Variants in KATNAL1 observed in about 807,000 individuals in gnomAD.
KATNAL1 encodes the protein katanin p60 ATPase-containing subunit A-like 1.
KATNAL1 carries 32 observed loss-of-function variants against 55.2 expected under a neutral mutation model. The observed-to-expected ratio is 0.58, with a 90% CI of 0.44 to 0.78. The LOEUF is 0.78. Among genes scored for constraint, KATNAL1 ranks in the 30% least tolerant of loss-of-function variants. The probability of loss-of-function intolerance (pLI) is 0.00; values close to 1 mark genes in which losing one functional copy is unlikely to be tolerated. For missense variants in KATNAL1, 466 were observed against 600.9 expected (o/e 0.78, Z 2.35); for synonymous variants, 193 against 193.6 (o/e 1.00, Z 0.02).
chr13:30,282,639 T>TA (rs1881447593), intron 2 of KATNAL1, among the ~76,000 whole-genome samples: 1 of 144,140 alleles, frequency 6.9e-6, no homozygotes, highest in African/African-American at 2.6e-5. Context: ...CCCTGTCTCT[T>TA]TAAAAAAAAA....
In KATNAL1 at chr13:30,280,219, C is replaced by A. The variant is rs745551420; in HGVS notation, c.167G>T (p.Arg56Leu). 1.9e-6 allele frequency: 3 copies of A among 1,563,452 alleles called. No individual in the cohort carries two copies. Among genetic ancestry groups the A allele is most frequent in the South Asian group, 2.5e-5 (2 of 81,108 alleles). Residue 56 changes from arginine (R) to leucine (L), a missense_variant, in exon 3 of 11, where the codon CGG (arginine) becomes CTG (leucine). Around this residue, in one of 3 missense-constraint regions of KATNAL1, gnomAD observed 248 missense variants for 275.5 expected, o/e 0.90. Transcript: ENST00000380615. ...TTCATATTCCTCCAATAATTCCTGC[C>A]GAACCTTAAAAAAAAAAAATAGGCT... ...PAIKGKWQQVRQELLEEYEQV... is the reference protein window; with the variant it reads ...PAIKGKWQQVLQELLEEYEQV...
chr13:30,276,761 G>A (rs1169479431), intron 3 of KATNAL1, among the ~76,000 whole-genome samples: 2 of 152,090 alleles, frequency 1.3e-5, no homozygotes, highest in African/African-American at 4.8e-5. Flanking sequence ...TACCCACTGA[G>A]TATATATGCA....
intron 4 of KATNAL1, among the ~76,000 whole-genome samples, chr13:30,243,522 G>C (rs1339987977): frequency 1.4e-5 from 2 of 146,968 alleles, no homozygotes; most frequent in African/African-American, 5.1e-5. Flanking sequence ...TCATATGGAG[G>C]AAGACCAAGG....
rs1872887961 is a variant in KATNAL1 at position 30,203,998 on chromosome 13, A to C, written c.*4542T>G. On this transcript the variant is annotated 3_prime_UTR_variant, in exon 11 of 11. Coordinates refer to ENST00000380615, the MANE Select transcript of KATNAL1 (RefSeq NM_032116.5). ...TGTAAAAATAGTTAGTGGAGATGACAGTAAAACATTCGAGGCTTAAATATT... is the reference window on the plus strand; with the variant it reads ...TGTAAAAATAGTTAGTGGAGATGACCGTAAAACATTCGAGGCTTAAATATT... The C allele has an allele frequency of 1.3e-5, 2 of 152,330 alleles. No individual in the cohort carries two copies. Among genetic ancestry groups the C allele is most frequent in the South Asian group, 4.1e-4 (2 of 4,828 alleles). The allele number at this position is 152,330 out of a possible 1,614,324, so 9.4% of individuals were successfully genotyped here. A position where few individuals can be genotyped will look rare whatever the true frequency, so the allele number is the denominator to read the frequency against.
At chr13:30,304,997 C>T (rs1883090759) in intron 1 of KATNAL1, among the ~76,000 whole-genome samples, 1 of 152,204 alleles carries the variant, frequency 6.6e-6, no homozygotes, top group African/African-American at 2.4e-5. Flanking sequence ...ACTCCAAATG[C>T]TTAATTCAGA....
At chr13:30,232,999 C>T (rs1876258067) in intron 6 of KATNAL1, among the ~76,000 whole-genome samples, 1 of 152,110 alleles carries the variant, frequency 6.6e-6, no homozygotes, top group African/African-American at 2.4e-5. Flanking sequence ...TTAAAAACCT[C>T]AAACTATGAA....
At position 30,283,627 on chromosome 13, in the gene KATNAL1, T is replaced by C. The variant is rs1731717912; in HGVS notation, c.151A>G (p.Lys51Glu). Residue 51 changes from lysine (K) to glutamate (E), a missense_variant, in exon 2 of 11, where the codon AAA (lysine) becomes GAA (glutamate). By Grantham distance (56) the Lys-to-Glu change is moderately conservative (BLOSUM62 1). Coordinates refer to ENST00000380615, the MANE Select transcript of KATNAL1 (RefSeq NM_032116.5). ...TAATACCATCTTACCTGTTGCCATT[T>C]GCCTTTGATAGCTGGATCTCTGACT... Reference protein sequence around the residue: ...QSVRDPAIKGKWQQVRQELLE... With the variant: ...QSVRDPAIKGEWQQVRQELLE... 1 of 1,613,766 alleles carries C rather than the reference T, an allele frequency of 6.2e-7. No individual in the cohort carries two copies. The highest frequency in any genetic ancestry group is 8.5e-7 in the Non-Finnish European group (1 of 1,179,862).
intron 4 of KATNAL1, among the ~76,000 whole-genome samples, chr13:30,250,942 T>C (rs1009862529): frequency 6.6e-6 from 1 of 152,082 alleles, no homozygotes; most frequent in African/African-American, 2.4e-5. Flanking sequence ...ATCGAGACCA[T>C]CCTGGATAAC....
At chr13:30,268,370 CAA>C (rs1879945243) in intron 3 of KATNAL1, among the ~76,000 whole-genome samples, 2 of 152,138 alleles carry the variant, frequency 1.3e-5, no homozygotes, top group Admixed American at 6.5e-5. Flanking sequence ...CTATAGACTA[CAA>C]AATAAATATG....
chr13:30,210,170 A>G (rs1245378068), intron 10 of KATNAL1, 146 bp downstream of exon 10: 5 of 521,838 alleles, frequency 9.6e-6, no homozygotes, highest in Non-Finnish European at 1.5e-5. Context: ...TATGTAAAAA[A>G]AAAGGGACAA....
At chr13:30,294,729 G>A (rs1040046020) in intron 1 of KATNAL1, among the ~76,000 whole-genome samples, 2 of 151,954 alleles carry the variant, frequency 1.3e-5, no homozygotes, top group Admixed American at 6.5e-5. Flanking sequence ...TTCCTGGCTA[G>A]AGAGGAAAAG....
At chr13:30,294,045 G>C (rs1428976642) in intron 1 of KATNAL1, among the ~76,000 whole-genome samples, 1 of 152,134 alleles carries the variant, frequency 6.6e-6, no homozygotes, top group East Asian at 1.9e-4. Context: ...CCTACCAATA[G>C]GCTGTTGCCC....
intron 10 of KATNAL1, among the ~76,000 whole-genome samples, chr13:30,209,100 T>A (rs1873418594): frequency 6.6e-6 from 1 of 152,200 alleles, no homozygotes; most frequent in Non-Finnish European, 1.5e-5. Flanking sequence ...AATGTTAAGA[T>A]AATTCAAACC....
At chr13:30,274,880 TGCACACACATACGCGCGCGCGCGCGC>T (rs1322355559) in intron 3 of KATNAL1, among the ~76,000 whole-genome samples, 34 of 138,276 alleles carry the variant, frequency 2.5e-4, no homozygotes, top group African/African-American at 7.4e-4. Flanking sequence ...GCGGGGTGTG[TGCACACACATACGCGCGCGCGCGCGC>T]GCACACACAC....
intron 4 of KATNAL1, among the ~76,000 whole-genome samples, chr13:30,250,268 A>C (rs578155641): frequency 6.6e-6 from 1 of 152,226 alleles, no homozygotes; most frequent in African/African-American, 2.4e-5. Context: ...ACTTAAAAGC[A>C]TGTCATTTTT....
intron 3 of KATNAL1, among the ~76,000 whole-genome samples, chr13:30,275,929 T>G (rs902192218): frequency 6.6e-6 from 1 of 152,198 alleles, no homozygotes; most frequent in African/African-American, 2.4e-5. Context: ...TTATTGAATA[T>G]ATACCATGTT....
intron 3 of KATNAL1, among the ~76,000 whole-genome samples, chr13:30,274,311 A>G (rs531973977): frequency 4.6e-5 from 7 of 152,176 alleles, no homozygotes; most frequent in Non-Finnish European, 1.0e-4. Context: ...GCAATTTGGG[A>G]TGTAAAATAC....
rs1883246570 is a variant in KATNAL1 at position 30,307,334 on chromosome 13, G to A, written c.-18C>T. 6.5e-6 allele frequency: 1 copy of A among 153,342 alleles called. No individual in the cohort carries two copies. Among genetic ancestry groups the A allele is most frequent in the Admixed American group, 6.5e-5 (1 of 15,296 alleles). The allele number at this position is 153,342 out of a possible 1,614,324, so 9.5% of individuals were successfully genotyped here. A position where few individuals can be genotyped will look rare whatever the true frequency, so the allele number is the denominator to read the frequency against. On this transcript the variant is annotated 5_prime_UTR_variant, in exon 1 of 11. Transcript: ENST00000380615. Reference sequence around the variant, plus strand: ...CCCTTTCTCTCGGATTCATTACCCAGAAGGCGCAGGTCCGGGCACATTCAG... The same window carrying A: ...CCCTTTCTCTCGGATTCATTACCCAAAAGGCGCAGGTCCGGGCACATTCAG...
intron 9 of KATNAL1, among the ~76,000 whole-genome samples, chr13:30,214,207 A>G (rs1411883676): frequency 5.3e-5 from 8 of 152,200 alleles, no homozygotes; most frequent in Non-Finnish European, 1.2e-4. Flanking sequence ...TAGGAATCCA[A>G]CTTACAAGGG....
Sources: allele counts gnomAD v4.1 joint callset (sites outside exome capture counted in the v4.1 genomes callset), GRCh38; gene constraint gnomAD v4.1.1; regional missense constraint gnomAD v4.1.1; transcripts MANE v1.5; gene names NCBI Gene and HGNC (gene_info 2026-07-23, HGNC 2026-07-21).